The following HAUS4 variants were observed in gnomAD, a reference collection of about 807,000 sequenced individuals.
HAUS4 encodes the protein HAUS augmin like complex subunit 4.
A neutral mutation model predicts 50.6 loss-of-function variants in HAUS4; 34 were observed. That is an observed-to-expected ratio of 0.67 (90% CI 0.51 to 0.90). The LOEUF is 0.90. HAUS4 is among the 40% of genes least tolerant of loss of function. The pLI is 0.00. For synonymous variants in HAUS4, 149 were observed against 161.4 expected, an observed-to-expected ratio of 0.92 and a Z score of 0.58; for missense variants, 370 against 428.7, an observed-to-expected ratio of 0.86 and a Z score of 1.21.
intron 4 of HAUS4, 33 bp from the exon 5 acceptor site, chr14:22,951,722 C>A: frequency 6.3e-7 from 1 of 1,575,362 alleles, no homozygotes; most frequent in Non-Finnish European, 8.6e-7. Context: ...CAAAAAGAGG[C>A]AACTATAAAA....
At position 22,947,969 on chromosome 14, in the gene HAUS4, C is replaced by T. The variant is rs145857110; in HGVS notation, c.607G>A (p.Ala203Thr). 61 of 1,613,746 alleles carry T rather than the reference C, an allele frequency of 3.8e-5. No individual in the cohort carries two copies. In the Middle Eastern group the frequency reaches 8.2e-4, roughly 22 times the overall value. Reference protein sequence around the residue: ...TVKAAKVWKLAEVLVGEQQQC... With the variant: ...TVKAAKVWKLTEVLVGEQQQC... ...TGCTGCTCACCCACCAGGACCTCTG[C>T]GAGTTTCCACACCTTTGCTGCCTTC... The change falls in exon 7 of 10, where the codon GCA becomes ACA. Residue 203 changes from alanine (A) to threonine (T), a missense_variant. By Grantham distance (58) the Ala-to-Thr change is moderately conservative. Coordinates refer to ENST00000541587, the MANE Select transcript of HAUS4 (RefSeq NM_001166269.2).
Position 22,946,645 on chromosome 14 carries a change from C to T in HAUS4, c.972G>A (p.Leu324=). The T allele has an allele frequency of 6.2e-7, 1 of 1,613,870 alleles. No individual in the cohort carries two copies. Among genetic ancestry groups the T allele is most frequent in the South Asian group, 1.1e-5 (1 of 91,068 alleles). ...CCTCCCCAAGGACCTCATAGGAGTT[C>T]AGGACCTGTCTTGAGTTCTCCATGT... is the stretch of plus-strand genomic sequence containing the variant. ...EQDMENSRQV[L]NSYEVLGEEF... Residue 324 remains leucine (L), a synonymous_variant, in exon 10 of 10, where the codon CTG becomes CTA. Coordinates refer to ENST00000541587, the MANE Select transcript of HAUS4 (RefSeq NM_001166269.2).
chr14:22,952,493 T>G, intron 3 of HAUS4, 34 bp from the exon 4 acceptor site: 1 of 1,613,520 alleles, frequency 6.2e-7, no homozygotes, highest in Non-Finnish European at 8.5e-7. Context: ...TAGGAACCTC[T>G]CTCTCAGGAT....
At chr14:22,954,140 G>C (rs2044815268) in intron 2 of HAUS4, among the ~76,000 whole-genome samples, 1 of 152,166 alleles carries the variant, frequency 6.6e-6, no homozygotes, top group Middle Eastern at 3.2e-3. Context: ...ACAGGCATGA[G>C]AAAAAAGTGT....
intron 7 of HAUS4, 60 bp from the exon 8 acceptor site, chr14:22,947,791 T>A (rs2044671764): frequency 6.2e-7 from 1 of 1,610,496 alleles, no homozygotes. Context: ...GGAGGGTAGA[T>A]CAGGAATCTT....
chr14:22,953,494 G>T (rs2044797134), intron 2 of HAUS4, among the ~76,000 whole-genome samples: 1 of 152,112 alleles, frequency 6.6e-6, no homozygotes, highest in Admixed American at 6.6e-5. Context: ...TGCCCAGGCT[G>T]GAGTGCAATG....
chr14:22,953,149 A>AT (rs962731545), intron 2 of HAUS4, among the ~76,000 whole-genome samples: 67 of 147,666 alleles, frequency 4.5e-4, no homozygotes, highest in East Asian at 3.9e-4. Flanking sequence ...CAACTAACCA[A>AT]TTTTTTTTTT....
At position 22,955,179 on chromosome 14, in the gene HAUS4, G is replaced by C. The variant is rs1350719328; in HGVS notation, c.-22-3C>G. 3 of 1,566,172 alleles carry C rather than the reference G, an allele frequency of 1.9e-6. No homozygotes were observed. The highest frequency in any genetic ancestry group is 2.2e-5 in the South Asian group (2 of 90,096). On this transcript the variant is annotated splice_polypyrimidine_tract_variant and splice_region_variant and intron_variant, in intron 1 of 9. Coordinates refer to ENST00000541587, the MANE Select transcript of HAUS4 (RefSeq NM_001166269.2). ...TTTGATTTTCTTGGGATTCTAATCT[G>C]TGGAACCAAGAAGTGAAAGAAAACA...
Position 22,951,680 on chromosome 14 carries a change from T to A in HAUS4, c.340A>T (p.Thr114Ser), listed in dbSNP as rs1211483282. 6.2e-7 allele frequency: 1 copy of A among 1,604,582 alleles called. No homozygotes were observed. The highest frequency in any genetic ancestry group is 1.3e-5 in the African/African-American group (1 of 74,436). Reference sequence around the variant, plus strand: ...GTTACAAGCAGCCGCTGTTCAAGGGTCTCATGAAACTGAGAGAGAGAGAAT... The same window carrying A: ...GTTACAAGCAGCCGCTGTTCAAGGGACTCATGAAACTGAGAGAGAGAGAAT... Reference protein sequence around the residue: ...VTSEDKKFHETLEQRLLVTEL... With the variant: ...VTSEDKKFHESLEQRLLVTEL... The change falls in exon 5 of 10, where the codon ACC becomes TCC. Residue 114 changes from threonine (T) to serine (S), a missense_variant. Transcript: ENST00000541587.
chr14:22,948,140 T>C (rs1472112520), intron 6 of HAUS4, 127 bp from the exon 7 acceptor site: 64 of 991,246 alleles, frequency 6.5e-5, no homozygotes, highest in African/African-American at 9.9e-5. Context: ...TTTCTTCTAA[T>C]AATCTATTAA....
At chr14:22,955,224 G>A in intron 1 of HAUS4, 48 bp from the exon 2 acceptor site, 3 of 1,137,996 alleles carry the variant, frequency 2.6e-6, no homozygotes, top group Non-Finnish European at 4.0e-6. Context: ...ATAAACAGCT[G>A]GCTGCTCCAA....
intron 6 of HAUS4, chr14:22,948,329 A>T: frequency 4.6e-6 from 1 of 215,532 alleles, no homozygotes; most frequent in Non-Finnish European, 9.3e-6. Context: ...ATGCGCCTGT[A>T]GTGCCAGCTA....
chr14:22,947,475 C>T (rs1244016631), intron 8 of HAUS4, 126 bp downstream of exon 8: 9 of 1,028,262 alleles, frequency 8.8e-6, no homozygotes, highest in Non-Finnish European at 1.3e-5. Flanking sequence ...GCTAATACTG[C>T]TATGTGACAT....
intron 6 of HAUS4, among the ~76,000 whole-genome samples, chr14:22,948,794 C>A (rs1157100962): frequency 6.6e-6 from 1 of 152,012 alleles, no homozygotes; most frequent in Admixed American, 6.6e-5. Flanking sequence ...CTCGGCCTCC[C>A]AAAGTGATGG....
In HAUS4 at chr14:22,946,971, G is replaced by A. The variant is rs1298683286; in HGVS notation, c.908+200C>T. 5.9e-5 allele frequency among the ~76,000 whole-genome samples: 9 copies of A among 151,920 alleles called. 1 individual carries two copies. The highest frequency in any genetic ancestry group is 2.9e-5 in the Non-Finnish European group (2 of 67,990). ...GCTAATTTTTGTATTTTTTAGTAGA[G>A]ACAGGGTTTCACCATATTGGCCAGG... On this transcript the variant is annotated intron_variant, in intron 9 of 9. Coordinates refer to ENST00000541587, the MANE Select transcript of HAUS4 (RefSeq NM_001166269.2).
At position 22,946,581 on chromosome 14, in the gene HAUS4, GCTTGAGTACGGTGTACT is replaced by G; in HGVS notation, c.1019_1035del (p.Glu340AlafsTer36). Reference sequence around the variant, plus strand: ...GCCCACCGCTTGTTCTCTGTTGCCTGCTTGAGTACGGTGTACTCTTTCACCAGCCTGTCAAACTCCTC... The same window carrying G: ...GCCCACCGCTTGTTCTCTGTTGCCTGCTTTCACCAGCCTGTCAAACTCCTC... On this transcript the variant is annotated frameshift_variant, in exon 10 of 10. Coordinates refer to ENST00000541587, the MANE Select transcript of HAUS4 (RefSeq NM_001166269.2). LOFTEE classifies it high-confidence loss of function. 6.2e-7 allele frequency: 1 copy of G among 1,614,004 alleles called. No individual in the cohort carries two copies. Among genetic ancestry groups the G allele is most frequent in the South Asian group, 1.1e-5 (1 of 91,068 alleles).
intron 6 of HAUS4, among the ~76,000 whole-genome samples, 167 bp downstream of exon 6, chr14:22,950,147 A>C (rs557601212): frequency 8.5e-5 from 13 of 152,104 alleles, no homozygotes; most frequent in East Asian, 3.9e-4. Flanking sequence ...AAAAAAACAA[A>C]AAAACAAAAA....
Position 22,950,294 on chromosome 14 carries a change from A to T in HAUS4, c.562+20T>A, listed in dbSNP as rs192079754. On this transcript the variant is annotated intron_variant, in intron 6 of 9. Coordinates refer to ENST00000541587, the MANE Select transcript of HAUS4 (RefSeq NM_001166269.2). ...AACCCTGAAGTCCAGCTGTGAGCAG[A>T]ACAGACAGCTAGCACTCACCTGAAT... The T allele has an allele frequency of 7.2e-7, 1 of 1,383,442 alleles. No individual in the cohort carries two copies. The highest frequency in any genetic ancestry group is 2.3e-5 in the East Asian group (1 of 43,780). The allele number at this position is 1,383,442 out of a possible 1,614,324, so 85.7% of individuals were successfully genotyped here.
At chr14:22,956,198 G>A (rs1401077088) in intron 1 of HAUS4, among the ~76,000 whole-genome samples, 3 of 152,152 alleles carry the variant, frequency 2.0e-5, no homozygotes, top group Non-Finnish European at 2.9e-5. Context: ...CAGAATGCTG[G>A]GACTTAATTT....
Sources: allele counts gnomAD v4.1 joint callset (sites outside exome capture counted in the v4.1 genomes callset), GRCh38; gene constraint gnomAD v4.1.1; transcripts MANE v1.5; gene names NCBI Gene and HGNC (gene_info 2026-07-23, HGNC 2026-07-21).